Variants in GK observed in about 807,000 individuals in gnomAD.
GK encodes the protein ATP:glycerol 3-phosphotransferase.
A neutral mutation model predicts 56.4 loss-of-function variants in GK; 9 were observed. That is an observed-to-expected ratio of 0.16 (90% confidence interval 0.10 to 0.28). The LOEUF (loss-of-function observed/expected upper bound fraction) is 0.28, where lower values mean the gene tolerates loss of function less well. Ranked by LOEUF, GK falls within the 10% of genes least tolerant of loss-of-function variation. The pLI, the probability that GK is intolerant of heterozygous loss-of-function variation, is 1.00. For synonymous variants in GK, 104 were observed against 144.1 expected, an observed-to-expected ratio of 0.72 and a Z score of 1.99; for missense variants, 161 against 431.4, an observed-to-expected ratio of 0.37 and a Z score of 5.55.
At chrX:30,657,340 A>G (rs1245323818) in intron 1 of GK, among the ~76,000 whole-genome samples, 1 of 112,277 alleles carries the variant, frequency 8.9e-6, no homozygotes, top group African/African-American at 3.2e-5. Context: ...AAAATTTCCA[A>G]CTTATCTGAT....
intron 9 of GK, chrX:30,700,104 G>A (rs1301617962): frequency 9.3e-6 from 2 of 215,087 alleles, no homozygotes; most frequent in East Asian, 8.5e-5. Flanking sequence ...GAGAAATAAT[G>A]TGATGTATTG....
rs757734644 is a variant in GK, at chrX:30,731,003, A to G, written c.*2261A>G. On this transcript the variant is annotated 3_prime_UTR_variant, in exon 21 of 21. Coordinates refer to ENST00000427190, the MANE Select transcript of GK (RefSeq NM_001205019.2). ...GCAGCCATTATCAACAGGGCCTTGC[A>G]TGGCTAACTTTGACCACCATTTTTC... The G allele has an allele frequency of 8.9e-6, 1 of 112,162 alleles. No homozygotes were observed. The highest frequency in any genetic ancestry group is 1.9e-5 in the Non-Finnish European group (1 of 53,296). The allele number at this position is 112,162 out of a possible 1,213,427, so 9.2% of individuals were successfully genotyped here.
chrX:30,663,968 T>G (rs1262059540), intron 1 of GK, among the ~76,000 whole-genome samples: 2 of 94,773 alleles, frequency 2.1e-5, no homozygotes, highest in Admixed American at 2.7e-4. Context: ...ATATTATATA[T>G]ATATTTTATA....
At chrX:30,696,946 C>G (rs1361039986) in intron 8 of GK, 1 of 347,235 alleles carries the variant, frequency 2.9e-6, no homozygotes, top group Non-Finnish European at 5.1e-6. Flanking sequence ...TTGGCATGAG[C>G]CAATTTATTC....
chrX:30,674,268 A>T (rs889962712), intron 3 of GK: 4 of 330,706 alleles, frequency 1.2e-5, no homozygotes, highest in Non-Finnish European at 2.4e-5. Flanking sequence ...AGCTCTACTG[A>T]ATGGTGCCCC....
intron 1 of GK, among the ~76,000 whole-genome samples, chrX:30,656,903 T>C (rs1379571715): frequency 8.9e-6 from 1 of 112,699 alleles, no homozygotes; most frequent in South Asian, 3.6e-4. Flanking sequence ...CAGGCTGGAG[T>C]GCAGTGGCAT....
chrX:30,661,650 A>C (rs1932761552), intron 1 of GK, among the ~76,000 whole-genome samples: 1 of 110,719 alleles, frequency 9.0e-6, no homozygotes, highest in African/African-American at 3.3e-5. Context: ...GACCCTCATA[A>C]TTCTGGGTTA....
chrX:30,676,747 G>A (rs779490398), intron 3 of GK, among the ~76,000 whole-genome samples: 1 of 111,518 alleles, frequency 9.0e-6, no homozygotes, highest in African/African-American at 3.3e-5. Flanking sequence ...ACTAAATATA[G>A]TACTTGTTTT....
intron 3 of GK, among the ~76,000 whole-genome samples, chrX:30,674,920 A>G (rs2147159131): frequency 8.9e-6 from 1 of 111,796 alleles, no homozygotes; most frequent in East Asian, 2.8e-4. Flanking sequence ...ACATTCCTAG[A>G]GTATTGTGTT....
intron 2 of GK, 60 bp from the exon 3 acceptor site, chrX:30,667,952 T>C (rs771469235): frequency 3.2e-5 from 21 of 650,596 alleles, no homozygotes; most frequent in Non-Finnish European, 4.9e-5. Context: ...AACATTTCTA[T>C]AGAAAAAAGT....
At position 30,653,478 on chromosome X, in the gene GK, C is replaced by A. The variant is rs1462057341; in HGVS notation, c.-60C>A. ...CTGGACTCGTCACCTGCCCCTCCCC[C>A]TCCCGCCGCCGTCACCCAGGAAACC... On this transcript the variant is annotated 5_prime_UTR_variant, in exon 1 of 21. Transcript: ENST00000427190. 9.4e-7 allele frequency: 1 copy of A among 1,061,137 alleles called. No homozygotes were observed. The highest frequency in any genetic ancestry group is 1.3e-6 in the Non-Finnish European group (1 of 758,619). The allele number at this position is 1,061,137 out of a possible 1,213,427, so 87.4% of individuals were successfully genotyped here. A position where few individuals can be genotyped will look rare whatever the true frequency, so the allele number is the denominator to read the frequency against.
chrX:30,699,227 T>TAC (rs1441283037), intron 9 of GK, among the ~76,000 whole-genome samples: 1 of 99,691 alleles, frequency 1.0e-5, no homozygotes, highest in African/African-American at 3.8e-5. Flanking sequence ...ATGTTATATA[T>TAC]ACATGTTATG....
chrX:30,677,843 A>AAAG, intron 4 of GK: 4 of 323,878 alleles, frequency 1.2e-5, no homozygotes, highest in Non-Finnish European at 1.6e-5. Context: ...AAAAAGAAAG[A>AAAG]AAAAAAAAAA....
intron 4 of GK, among the ~76,000 whole-genome samples, chrX:30,686,443 T>C (rs1331286720): frequency 8.9e-6 from 1 of 112,172 alleles, no homozygotes; most frequent in Non-Finnish European, 1.9e-5. Flanking sequence ...CCTCACTTCC[T>C]ATCACCCTAG....
At chrX:30,685,039 C>T (rs1934513654) in intron 4 of GK, among the ~76,000 whole-genome samples, 2 of 112,107 alleles carry the variant, frequency 1.8e-5, no homozygotes, top group Non-Finnish European at 3.8e-5. Context: ...GCTTATGTTT[C>T]AAAGAATCAG....
chrX:30,720,127 A>C (rs752888275), intron 16 of GK, 32 bp downstream of exon 16: 2 of 889,984 alleles, frequency 2.2e-6, no homozygotes, highest in Non-Finnish European at 3.3e-6. Flanking sequence ...TCTTGTACTT[A>C]GTTCACTTTT....
At chrX:30,685,280 T>C (rs758909716) in intron 4 of GK, among the ~76,000 whole-genome samples, 6 of 111,025 alleles carry the variant, frequency 5.4e-5, no homozygotes, top group East Asian at 2.8e-4. Flanking sequence ...TACAGGCGCC[T>C]GCCACCGCTC....
intron 3 of GK, among the ~76,000 whole-genome samples, chrX:30,675,056 G>A (rs371229704): frequency 7.2e-5 from 8 of 111,603 alleles, no homozygotes; most frequent in Non-Finnish European, 1.1e-4. Flanking sequence ...GATTGTTTAG[G>A]CTACACAGCA....
intron 13 of GK, among the ~76,000 whole-genome samples, chrX:30,714,218 T>C (rs1480896070): frequency 8.9e-6 from 1 of 111,914 alleles, no homozygotes; most frequent in Non-Finnish European, 1.9e-5. Context: ...TGTAATAGAT[T>C]ATCTATTGCT....
Sources: gnomAD v4.1 joint callset for allele counts (sites outside exome capture counted in the v4.1 genomes callset) on GRCh38, gnomAD v4.1.1 for gene constraint, MANE v1.5 for transcripts, NCBI Gene and HGNC (gene_info 2026-07-23, HGNC 2026-07-21) for gene names.